Variants in A3GALT2 observed in about 807,000 individuals in gnomAD.
The protein encoded by A3GALT2 is alpha-1,3-galactosyltransferase 2.
A neutral mutation model predicts 16.6 loss-of-function variants in A3GALT2; 14 were observed. The observed-to-expected ratio is 0.84, with a 90% CI of 0.56 to 1.32. A3GALT2 has a LOEUF of 1.32. A3GALT2 is among the 40% of genes most tolerant of loss of function. A3GALT2 has a pLI of 0.00. For synonymous variants in A3GALT2, 253 were observed against 218.0 expected (o/e 1.16, Z -1.42); for missense variants, 600 against 490.9 (o/e 1.22, Z -2.10).
At position 33,312,283 on chromosome 1, in the gene A3GALT2, G is replaced by C. The variant is rs1341917075; in HGVS notation, c.198-94C>G. 3 of 1,524,898 alleles carry C rather than the reference G, an allele frequency of 2.0e-6. No homozygotes were observed. In the African/African-American group the frequency reaches 4.1e-5, roughly 21 times the overall value. 94.5% of individuals were successfully genotyped at this position (1,524,898 alleles called of 1,614,324 possible). Reference sequence around the variant, plus strand: ...CACCTCCCCAGTGCTGAGCCCTAGGGACCCATAGACCGATGAGACCTAGTT... The same window carrying C: ...CACCTCCCCAGTGCTGAGCCCTAGGCACCCATAGACCGATGAGACCTAGTT... On this transcript the variant is annotated intron_variant, in intron 3 of 4. Transcript: ENST00000442999.
intron 1 of A3GALT2, among the ~76,000 whole-genome samples, chr1:33,315,252 C>T (rs1387653589): frequency 2.6e-5 from 4 of 151,948 alleles, no homozygotes; most frequent in African/African-American, 4.8e-5. Context: ...CGTGGTGGCA[C>T]GCGTCGGTAG....
Position 33,312,036 on chromosome 1 carries a change from C to G in A3GALT2, c.335+16G>C. On this transcript the variant is annotated intron_variant, in intron 4 of 4. Coordinates refer to ENST00000442999, the MANE Select transcript of A3GALT2 (RefSeq NM_001080438.1). ...CTCACAGCTTTGACAGCACTGCTCC[C>G]CTTCCCAGGCCTTACCTGCCTACAG... 6.2e-7 allele frequency: 1 copy of G among 1,613,274 alleles called. No homozygotes were observed. Among genetic ancestry groups the G allele is most frequent in the Non-Finnish European group, 8.5e-7 (1 of 1,179,700 alleles).
intron 4 of A3GALT2, among the ~76,000 whole-genome samples, chr1:33,309,274 C>T (rs1387503904): frequency 6.6e-6 from 1 of 152,264 alleles, no homozygotes; most frequent in Non-Finnish European, 1.5e-5. Flanking sequence ...TCTCAATGAG[C>T]TGTTGGGTAC....
At chr1:33,309,624 G>A (rs1270450102) in intron 4 of A3GALT2, among the ~76,000 whole-genome samples, 2 of 151,800 alleles carry the variant, frequency 1.3e-5, no homozygotes, top group Non-Finnish European at 2.9e-5. Flanking sequence ...CCTCCCAGAC[G>A]GGGTGGCGGT....
rs1016723247 is a variant in A3GALT2 at position 33,307,014 on chromosome 1, C to T, written c.775G>A (p.Gly259Arg). The T allele has an allele frequency of 1.4e-6, 2 of 1,469,622 alleles. No homozygotes were observed. The highest frequency in any genetic ancestry group is 2.9e-5 in the East Asian group (1 of 34,828). 91.0% of individuals were successfully genotyped at this position (1,469,622 alleles called of 1,614,324 possible). Residue 259 changes from glycine to arginine, a missense_variant, in exon 5 of 5, where the codon GGG becomes AGG. Coordinates refer to ENST00000442999, the MANE Select transcript of A3GALT2 (RefSeq NM_001080438.1). ...CCGCGCAGCGCCGCCACGCTGCCCC[C>T]GAACACCGCCGCGTGGTTATAGAAG... ...GDFYNHAAVF[G>R]GSVAALRGLT... is the part of the protein sequence containing the mutation.
Position 33,307,158 on chromosome 1 carries a change from C to A in A3GALT2, c.631G>T (p.Glu211Ter), listed in dbSNP as rs779032254. The change falls in exon 5 of 5, where the codon GAG becomes TAG. Residue 211 changes from glutamate (E) to a stop codon, truncating the protein, a stop_gained. Coordinates refer to ENST00000442999, the MANE Select transcript of A3GALT2 (RefSeq NM_001080438.1). LOFTEE classifies it low-confidence loss of function (END_TRUNC). ...TGCGCCACCGACTCGGCCAGCGCCT[C>A]GGGCCCAAAAGTGCCGCTGAAGTGC... The part of the protein sequence containing the change: ...DQHFSGTFGP[E>*]ALAESVAQLH... 1 of 1,553,748 alleles carries A rather than the reference C, an allele frequency of 6.4e-7. No homozygotes were observed. Among genetic ancestry groups the A allele is most frequent in the Non-Finnish European group, 8.7e-7 (1 of 1,153,164 alleles).
At chr1:33,312,444 C>A in intron 3 of A3GALT2, 57 bp downstream of exon 3, 1 of 1,482,438 alleles carries the variant, frequency 6.7e-7, no homozygotes, top group Non-Finnish European at 9.1e-7. Context: ...GGACATGGGG[C>A]AGAGCTGTGT....
intron 1 of A3GALT2, chr1:33,313,594 C>T (rs988654667): frequency 1.3e-5 from 2 of 152,104 alleles, no homozygotes; most frequent in African/African-American, 4.8e-5. Context: ...GATTTGTCCA[C>T]ACTTCGTTTT....
At position 33,306,906 on chromosome 1, in the gene A3GALT2, T is replaced by C. The variant is rs776987060; in HGVS notation, c.883A>G (p.Asn295Asp). The change falls in exon 5 of 5, where the codon AAC becomes GAC. Residue 295 changes from asparagine (N) to aspartate (D), a missense_variant. Coordinates refer to ENST00000442999, the MANE Select transcript of A3GALT2 (RefSeq NM_001080438.1). The stretch of plus-strand genomic sequence containing the variant: ...GGCTTGTGCAGCCAGAAGAACTTGT[T>C]GAGGTGGCTCTCGTCGTGCCAGCGC... ...EARWHDESHL[N>D]KFFWLHKPAK... The C allele has an allele frequency of 5.3e-6, 8 of 1,522,870 alleles. No individual in the cohort carries two copies. The South Asian group carries it at 9.8e-5, about 19-fold the overall frequency. The allele number at this position is 1,522,870 out of a possible 1,614,324, so 94.3% of individuals were successfully genotyped here. A position where few individuals can be genotyped will look rare whatever the true frequency, so the allele number is the denominator to read the frequency against.
At chr1:33,307,484 A>T (rs1646201367) in intron 4 of A3GALT2, 31 bp from the exon 5 acceptor site, 2 of 1,437,212 alleles carry the variant, frequency 1.4e-6, no homozygotes, top group Non-Finnish European at 1.8e-6. Flanking sequence ...TCAGCCTGAG[A>T]GTGAAGCGAG....
intron 1 of A3GALT2, among the ~76,000 whole-genome samples, chr1:33,316,358 T>C (rs1646262059): frequency 1.3e-5 from 2 of 152,086 alleles, no homozygotes; most frequent in Non-Finnish European, 2.9e-5. Flanking sequence ...GGACTTCATC[T>C]TGAGGGTCAT....
chr1:33,320,738 AC>A lies in A3GALT2; in HGVS notation c.23+337del, dbSNP rs964191436. On this transcript the variant is annotated intron_variant, in intron 1 of 4. Transcript: ENST00000442999. The surrounding 1 kb of genome is among the most constrained non-coding windows in gnomAD (Gnocchi z 4.3). ...GTGGGGATAGAGGGAGCTCTCAGTT[AC>A]AGTCGGGGAGGGAATGTACCCCCGG... 6.6e-6 allele frequency among the ~76,000 whole-genome samples: 1 copy of A among 151,978 alleles called. No individual in the cohort carries two copies. The highest frequency in any genetic ancestry group is 1.5e-5 in the Non-Finnish European group (1 of 68,034).
Position 33,307,055 on chromosome 1 carries a change from G to T in A3GALT2, c.734C>A (p.Ala245Glu). 6.6e-7 allele frequency: 1 copy of T among 1,512,250 alleles called. No individual in the cohort carries two copies. Among genetic ancestry groups the T allele is most frequent in the South Asian group, 1.2e-5 (1 of 80,894 alleles). 93.7% of individuals were successfully genotyped at this position (1,512,250 alleles called of 1,614,324 possible). A position where few individuals can be genotyped will look rare whatever the true frequency, so the allele number is the denominator to read the frequency against. ...ERDAHSAAAM[A>E]WGQGDFYNHA... ...GTTATAGAAGTCGCCCTGGCCCCAC[G>T]CCATCGCGGCGGCCGAATGCGCGTC... The change falls in exon 5 of 5, where the codon GCG (alanine) becomes GAG (glutamate). Residue 245 changes from alanine to glutamate, a missense_variant. By Grantham distance (107) the Ala-to-Glu change is moderately radical. Transcript: ENST00000442999.
rs1315244815 is a variant in A3GALT2, at chr1:33,306,898, G to T, written c.891C>A (p.Phe297Leu). 2 of 1,523,240 alleles carry T rather than the reference G, an allele frequency of 1.3e-6. No individual in the cohort carries two copies. The highest frequency in any genetic ancestry group is 1.8e-6 in the Non-Finnish European group (2 of 1,140,956). The allele number at this position is 1,523,240 out of a possible 1,614,324, so 94.4% of individuals were successfully genotyped here. The change falls in exon 5 of 5, where the codon TTC becomes TTA. Residue 297 changes from phenylalanine (F) to leucine (L), a missense_variant. Transcript: ENST00000442999. ...CCTTGGCGGGCTTGTGCAGCCAGAA[G>T]AACTTGTTGAGGTGGCTCTCGTCGT... ...RWHDESHLNK[F>L]FWLHKPAKVL...
chr1:33,312,279 T>G (rs988599434), intron 3 of A3GALT2, 90 bp from the exon 4 acceptor site: 235 of 1,541,982 alleles, frequency 1.5e-4, no homozygotes, highest in Non-Finnish European at 2.0e-4. Context: ...TGCTGAGCCC[T>G]AGGGACCCAT....
intron 4 of A3GALT2, 49 bp from the exon 5 acceptor site, chr1:33,307,502 C>T (rs1394654690): frequency 7.1e-6 from 10 of 1,408,438 alleles, no homozygotes; most frequent in Non-Finnish European, 9.2e-6. Flanking sequence ...GAGGCGGGCC[C>T]GGCCTCCCCA....
At chr1:33,321,054 C>T (rs530130657) in intron 1 of A3GALT2, 22 bp downstream of exon 1, 84 of 1,613,102 alleles carry the variant, frequency 5.2e-5, no homozygotes, top group Middle Eastern at 1.6e-4. Context: ...TTCTTCCTCT[C>T]CATACCATTG....
At chr1:33,316,729 G>A (rs932262750) in intron 1 of A3GALT2, among the ~76,000 whole-genome samples, 1 of 152,332 alleles carries the variant, frequency 6.6e-6, no homozygotes, top group East Asian at 1.9e-4. Context: ...AAGATGCCTG[G>A]TTGTCTGGTT....
At chr1:33,319,306 GTCC>G (rs1411302974) in intron 1 of A3GALT2, among the ~76,000 whole-genome samples, 1 of 152,200 alleles carries the variant, frequency 6.6e-6, no homozygotes, top group Non-Finnish European at 1.5e-5. Context: ...GAATACTGCT[GTCC>G]AGGGGACACA....
Sources: allele counts gnomAD v4.1 joint callset (sites outside exome capture counted in the v4.1 genomes callset), GRCh38; gene constraint gnomAD v4.1.1; non-coding constraint Gnocchi (gnomAD v3.1); transcripts MANE v1.5; gene names NCBI Gene and HGNC (gene_info 2026-07-23, HGNC 2026-07-21).